The following CFAP57 variants were observed in gnomAD, a reference collection of about 807,000 sequenced individuals.
The protein encoded by CFAP57 is cilia and flagella associated protein 57.
Under a neutral mutation model 146.8 loss-of-function variants are expected in CFAP57, and 116 were observed. The ratio of observed to expected loss-of-function variants is 0.79; its 90% CI spans 0.68 to 0.92. The LOEUF is 0.92. Among genes scored for constraint, CFAP57 ranks in the 40% least tolerant of loss-of-function variants. The probability of loss-of-function intolerance (pLI) is 0.00; values close to 1 mark genes in which losing one functional copy is unlikely to be tolerated. For synonymous variants in CFAP57, 518 were observed against 552.8 expected (o/e 0.94, Z 0.88); for missense variants, 1,377 against 1,527.2 (o/e 0.90, Z 1.64).
At chr1:43,174,624 T>G (rs1645100300) in intron 2 of CFAP57, among the ~76,000 whole-genome samples, 1 of 152,158 alleles carries the variant, frequency 6.6e-6, no homozygotes, top group Admixed American at 6.5e-5. Context: ...AAGACCATCC[T>G]CGCCAACATA....
chr1:43,198,715 A>G, intron 8 of CFAP57, 69 bp downstream of exon 8: 2 of 1,573,770 alleles, frequency 1.3e-6, no homozygotes, highest in East Asian at 2.2e-5. Flanking sequence ...ATCAGGAACT[A>G]ACATGATCTG....
At chr1:43,223,916 G>A in intron 16 of CFAP57, 130 bp from the exon 17 acceptor site, 1 of 1,102,588 alleles carries the variant, frequency 9.1e-7, no homozygotes, top group Non-Finnish European at 1.3e-6. Context: ...TCCCAGAAAT[G>A]TTGAATGCTA....
chr1:43,173,234 C>G (rs2124192602), intron 2 of CFAP57, among the ~76,000 whole-genome samples: 1 of 152,296 alleles, frequency 6.6e-6, no homozygotes, highest in Admixed American at 6.5e-5. Context: ...AGTTGTCTAA[C>G]AGTTTTCCTG....
intron 18 of CFAP57, 120 bp downstream of exon 18, chr1:43,227,246 T>G: frequency 8.1e-7 from 1 of 1,227,450 alleles, no homozygotes; most frequent in South Asian, 2.2e-5. Context: ...GCTCCCAAGG[T>G]GTGTGCAGCC....
At chr1:43,248,506 G>C (rs543282648) in intron 22 of CFAP57, among the ~76,000 whole-genome samples, 6 of 151,228 alleles carry the variant, frequency 4.0e-5, no homozygotes, top group African/African-American at 1.5e-4. Flanking sequence ...ATTTTTAGTA[G>C]AGATGGGGTT....
intron 14 of CFAP57, 59 bp downstream of exon 14, chr1:43,221,524 A>G: frequency 8.4e-7 from 1 of 1,194,750 alleles, no homozygotes; most frequent in Non-Finnish European, 1.1e-6. Context: ...TTATGGGGAA[A>G]CACTCAAGAG....
Position 43,227,011 on chromosome 1 carries a change from A to G in CFAP57, c.2894A>G (p.Lys965Arg). Residue 965 changes from lysine (K) to arginine (R), a missense_variant, in exon 18 of 23, where the codon AAA (lysine) becomes AGA (arginine). Transcript: ENST00000372492. ...KEKRIYDLKK[K>R]NQELGKFKFV... The stretch of plus-strand genomic sequence containing the variant: ...AAGCGAATTTATGATCTGAAAAAGA[A>G]AAATCAAGAACTAGGGAAATTCAAG... 6.6e-7 allele frequency: 1 copy of G among 1,523,350 alleles called. No individual in the cohort carries two copies. The highest frequency in any genetic ancestry group is 2.5e-5 in the East Asian group (1 of 40,468). The allele number at this position is 1,523,350 out of a possible 1,614,324, so 94.4% of individuals were successfully genotyped here.
In CFAP57 at chr1:43,197,613, C is replaced by G. The variant is rs367957524; in HGVS notation, c.1183C>G (p.Leu395Val). ...YPLHSAPITG[L>V]ATCIRKPLIA... ...ATTGCACTCAGCACCCATCACCGGT[C>G]TAGCTACCTGCATCCGCAAACCCCT... Residue 395 changes from leucine (L) to valine (V), a missense_variant, in exon 7 of 23, where the codon CTA becomes GTA. Leu to Val is a conservative substitution (Grantham distance 32, BLOSUM62 1). Transcript: ENST00000372492. 2 of 1,614,144 alleles carry G rather than the reference C, an allele frequency of 1.2e-6. No individual in the cohort carries two copies. Among genetic ancestry groups the G allele is most frequent in the Non-Finnish European group, 8.5e-7 (1 of 1,180,050 alleles).
intron 1 of CFAP57, 108 bp downstream of exon 1, chr1:43,172,561 C>T (rs533280374): frequency 6.1e-6 from 4 of 657,070 alleles, no homozygotes; most frequent in East Asian, 4.9e-5. Context: ...GAGGAGGACC[C>T]CGGGGGAGGG....
Position 43,242,879 on chromosome 1 carries a change from A to G in CFAP57, c.3406-348A>G, listed in dbSNP as rs561760572. Among the ~76,000 whole-genome samples, 5 of 152,064 alleles carry G rather than the reference A, an allele frequency of 3.3e-5. No homozygotes were observed. The South Asian group carries it at 6.2e-4, about 19-fold the overall frequency. ...TATAATTATATATATATAATATAAT[A>G]GCCATATAATAGCCAATAATTGTGA... On this transcript the variant is annotated intron_variant, in intron 21 of 22. Coordinates refer to ENST00000372492, the MANE Select transcript of CFAP57 (RefSeq NM_001378189.1).
intron 2 of CFAP57, among the ~76,000 whole-genome samples, chr1:43,174,261 T>C (rs1162472717): frequency 1.3e-5 from 2 of 152,204 alleles, no homozygotes; most frequent in Non-Finnish European, 2.9e-5. Context: ...ACAAAAATTA[T>C]TAGTTTTAAT....
At position 43,206,951 on chromosome 1, in the gene CFAP57, C is replaced by G. The variant is rs774381867; in HGVS notation, c.1755+19C>G. On this transcript the variant is annotated intron_variant, in intron 10 of 22. Coordinates refer to ENST00000372492, the MANE Select transcript of CFAP57 (RefSeq NM_001378189.1). ...TTCCTTGGTGAGTCTGCCCCTGCCC[C>G]GCCTCTGGGCTGGTGCACGGATCTG... is the stretch of plus-strand genomic sequence containing the variant. The G allele has an allele frequency of 6.2e-7, 1 of 1,609,464 alleles. No homozygotes were observed. Among genetic ancestry groups the G allele is most frequent in the Admixed American group, 1.7e-5 (1 of 59,984 alleles).
chr1:43,237,115 T>G (rs974938341), intron 21 of CFAP57, among the ~76,000 whole-genome samples: 1 of 152,066 alleles, frequency 6.6e-6, no homozygotes, highest in Admixed American at 6.6e-5. Context: ...TGGTGTGTGC[T>G]GGTCAGGAGC....
chr1:43,199,582 A>C lies in CFAP57; in HGVS notation c.1542+79A>C, dbSNP rs529896007. The stretch of plus-strand genomic sequence containing the variant: ...GCCAGCCAGTGGGATACAGGTGAAC[A>C]AAAGAGAGATGGTTCCTTTCCTCAT... On this transcript the variant is annotated intron_variant, in intron 9 of 22. Coordinates refer to ENST00000372492, the MANE Select transcript of CFAP57 (RefSeq NM_001378189.1). 1.3e-5 allele frequency: 16 copies of C among 1,274,718 alleles called. No individual in the cohort carries two copies. In the South Asian group the frequency reaches 1.5e-4, roughly 12 times the overall value. The allele number at this position is 1,274,718 out of a possible 1,614,324, so 79.0% of individuals were successfully genotyped here.
rs557499350 is a variant in CFAP57 at position 43,182,537 on chromosome 1, T to C, written c.474+687T>C. Among the ~76,000 whole-genome samples, 5 of 152,326 alleles carry C rather than the reference T, an allele frequency of 3.3e-5. No individual in the cohort carries two copies. In the East Asian group the frequency reaches 7.7e-4, roughly 24 times the overall value. On this transcript the variant is annotated intron_variant, in intron 3 of 22. Transcript: ENST00000372492. ...ATTCAACTCACAAGATACTGATGTG[T>C]AAACCAGCATATCACAACCAGAATG...
intron 12 of CFAP57, among the ~76,000 whole-genome samples, chr1:43,215,883 T>C (rs1423654359): frequency 6.6e-6 from 1 of 152,246 alleles, no homozygotes; most frequent in Non-Finnish European, 1.5e-5. Flanking sequence ...GCTTGAGGGA[T>C]GTGTTCAAAG....
intron 6 of CFAP57, among the ~76,000 whole-genome samples, chr1:43,193,328 T>C (rs1643661886): frequency 6.6e-6 from 1 of 152,326 alleles, no homozygotes; most frequent in South Asian, 2.1e-4. Flanking sequence ...TCTCTTTTGA[T>C]TGGATTGTTT....
rs1448782966 is a variant in CFAP57 at position 43,254,186 on chromosome 1, A to G, written c.3748A>G (p.Asn1250Asp). The change falls in exon 23 of 23, where the codon AAC (asparagine) becomes GAC (aspartate). Residue 1250 changes from asparagine (N) to aspartate (D), a missense_variant. Coordinates refer to ENST00000372492, the MANE Select transcript of CFAP57 (RefSeq NM_001378189.1). ...CGAGGTAGACTTAGAGGTGAAGACC[A>G]ACTGACCCCCTCTGGTGAGCCATCT... ...NSEVDLEVKT[N>D] 4 of 1,547,066 alleles carry G rather than the reference A, an allele frequency of 2.6e-6. No individual in the cohort carries two copies. The highest frequency in any genetic ancestry group is 3.5e-6 in the Non-Finnish European group (4 of 1,145,014).
At chr1:43,227,527 G>C (rs770283616) in intron 18 of CFAP57, among the ~76,000 whole-genome samples, 1 of 152,212 alleles carries the variant, frequency 6.6e-6, no homozygotes, top group Non-Finnish European at 1.5e-5. Flanking sequence ...GAGACCCCAG[G>C]TGAGGCCATG....
Sources: allele counts gnomAD v4.1 joint callset (sites outside exome capture counted in the v4.1 genomes callset), GRCh38; gene constraint gnomAD v4.1.1; transcripts MANE v1.5; gene names NCBI Gene and HGNC (gene_info 2026-07-23, HGNC 2026-07-21).